The following FAM168A variants were observed in gnomAD, a reference collection of about 807,000 sequenced individuals.
The protein encoded by FAM168A is protein FAM168A.
In FAM168A, 3 loss-of-function variants were observed where a neutral mutation model predicts 28.5. That is an observed-to-expected ratio of 0.11 (90% CI 0.05 to 0.27). FAM168A has a LOEUF of 0.27. FAM168A is among the 10% of genes least tolerant of loss of function. The probability of loss-of-function intolerance (pLI) is 1.00; values close to 1 mark genes in which losing one functional copy is unlikely to be tolerated. For synonymous variants in FAM168A, 122 were observed against 124.2 expected (o/e 0.98, Z 0.12); for missense variants, 222 against 311.5 (o/e 0.71, Z 2.16).
chr11:73,535,889 G>A (rs1398410619), intron 1 of FAM168A, among the ~76,000 whole-genome samples: 1 of 148,242 alleles, frequency 6.7e-6, no homozygotes, highest in Non-Finnish European at 1.5e-5. Flanking sequence ...TTTTTTTTGA[G>A]ACAGGGTTTC....
At chr11:73,553,694 A>T (rs994128287) in intron 1 of FAM168A, among the ~76,000 whole-genome samples, 2 of 152,168 alleles carry the variant, frequency 1.3e-5, no homozygotes, top group South Asian at 4.1e-4. Context: ...TTAAAAAGTT[A>T]TACCTGGCCG....
intron 3 of FAM168A, among the ~76,000 whole-genome samples, chr11:73,425,443 G>C (rs1866870863): frequency 6.6e-6 from 1 of 152,208 alleles, no homozygotes; most frequent in African/African-American, 2.4e-5. Context: ...ACCATCTTTG[G>C]CCTCTAAAGA....
intron 1 of FAM168A, among the ~76,000 whole-genome samples, chr11:73,550,192 G>A (rs1005371920): frequency 1.3e-5 from 2 of 152,194 alleles, no homozygotes; most frequent in African/African-American, 4.8e-5. Context: ...TTGGTAGACA[G>A]AAACTTAAAT....
chr11:73,560,626 A>G (rs910858578), intron 1 of FAM168A, among the ~76,000 whole-genome samples: 5 of 152,254 alleles, frequency 3.3e-5, no homozygotes, highest in African/African-American at 1.2e-4. Context: ...GAGGTACTAC[A>G]TACCTATTAA....
chr11:73,513,639 G>A (rs1290326620), intron 1 of FAM168A, among the ~76,000 whole-genome samples: 2 of 152,080 alleles, frequency 1.3e-5, no homozygotes, highest in African/African-American at 2.4e-5. Flanking sequence ...TACATTAGAC[G>A]TCACATCCTG....
At chr11:73,588,687 C>CA (rs1565310479) in intron 1 of FAM168A, among the ~76,000 whole-genome samples, 1 of 152,184 alleles carries the variant, frequency 6.6e-6, no homozygotes, top group South Asian at 2.1e-4. Context: ...AACCCGGTCT[C>CA]AAAAAAGATG....
At chr11:73,484,899 G>A (rs1430950871) in intron 1 of FAM168A, among the ~76,000 whole-genome samples, 1 of 151,808 alleles carries the variant, frequency 6.6e-6, no homozygotes, top group Non-Finnish European at 1.5e-5. Context: ...CATCCAGCAA[G>A]GGAGAAAGAT....
chr11:73,430,586 C>G (rs1366876494), intron 3 of FAM168A, 104 bp downstream of exon 3: 2 of 1,070,532 alleles, frequency 1.9e-6, no homozygotes, highest in African/African-American at 3.1e-5. Context: ...AGGCTGCGCC[C>G]GGAGCAATTA....
At chr11:73,520,079 C>T (rs1943356798) in intron 1 of FAM168A, among the ~76,000 whole-genome samples, 1 of 151,978 alleles carries the variant, frequency 6.6e-6, no homozygotes, top group Non-Finnish European at 1.5e-5. Context: ...CAGAGTCTCA[C>T]TCTGTCACCA....
intron 1 of FAM168A, among the ~76,000 whole-genome samples, chr11:73,514,111 C>T (rs576172057): frequency 6.9e-4 from 105 of 151,984 alleles, no homozygotes; most frequent in African/African-American, 2.4e-3. Context: ...CATGATCACA[C>T]CACTGTACTC....
At chr11:73,501,429 C>T (rs1401232494) in intron 1 of FAM168A, among the ~76,000 whole-genome samples, 1 of 152,174 alleles carries the variant, frequency 6.6e-6, no homozygotes, top group Admixed American at 6.5e-5. Flanking sequence ...TAAAATCAAC[C>T]ACTAATTGGA....
chr11:73,587,366 C>T (rs1944327976), intron 1 of FAM168A, among the ~76,000 whole-genome samples: 1 of 151,926 alleles, frequency 6.6e-6, no homozygotes. Flanking sequence ...GTTTCGGGCA[C>T]CTGTAATGGC....
intron 3 of FAM168A, 170 bp downstream of exon 3, chr11:73,430,520 C>A (rs1001010083): frequency 6.3e-6 from 4 of 633,826 alleles, no homozygotes; most frequent in Admixed American, 4.6e-5. Context: ...CGCCCCTACC[C>A]TGAGGCTGAT....
At chr11:73,517,390 C>T (rs1406592337) in intron 1 of FAM168A, among the ~76,000 whole-genome samples, 1 of 152,080 alleles carries the variant, frequency 6.6e-6, no homozygotes, top group African/African-American at 2.4e-5. Flanking sequence ...CCAATTTCCA[C>T]CCCCCTTCCC....
chr11:73,590,156 C>T (rs1256858730), intron 1 of FAM168A, among the ~76,000 whole-genome samples: 1 of 150,928 alleles, frequency 6.6e-6, no homozygotes, highest in African/African-American at 2.4e-5. Flanking sequence ...AATCCCAGTA[C>T]TTTGGGAGGC....
At chr11:73,478,049 G>A (rs1867915290) in intron 1 of FAM168A, among the ~76,000 whole-genome samples, 1 of 152,092 alleles carries the variant, frequency 6.6e-6, no homozygotes, top group Admixed American at 6.6e-5. Context: ...TGAATTGTTG[G>A]CCTTATGATA....
chr11:73,434,382 G>A (rs914688833), intron 2 of FAM168A, among the ~76,000 whole-genome samples: 6 of 152,024 alleles, frequency 3.9e-5, no homozygotes, highest in Admixed American at 6.5e-5. Context: ...CCAAAGTGTC[G>A]AGGGTAAGGG....
chr11:73,453,481 C>G (rs1025397395), intron 2 of FAM168A, among the ~76,000 whole-genome samples: 3 of 152,192 alleles, frequency 2.0e-5, no homozygotes, highest in Admixed American at 2.0e-4. Context: ...GGGGACCCAG[C>G]CCGCAAGCAG....
intron 1 of FAM168A, among the ~76,000 whole-genome samples, chr11:73,537,214 T>C (rs1035028263): frequency 4.6e-5 from 7 of 152,292 alleles, no homozygotes; most frequent in Admixed American, 3.9e-4. Context: ...TAATACAGTA[T>C]TGCAAGAGCA....
Sources: gnomAD v4.1 joint callset for allele counts (sites outside exome capture counted in the v4.1 genomes callset) on GRCh38, gnomAD v4.1.1 for gene constraint, MANE v1.5 for transcripts, NCBI Gene and HGNC (gene_info 2026-07-23, HGNC 2026-07-21) for gene names.